CPQ: variants seen among roughly 807,000 people sequenced by gnomAD.
CPQ encodes carboxypeptidase Q.
CPQ carries 37 observed loss-of-function variants against 45.7 expected under a neutral mutation model. The observed-to-expected ratio is 0.81, with a 90% CI of 0.62 to 1.07. The LOEUF is 1.07. Among genes scored for constraint, CPQ ranks in the 50% least tolerant of loss-of-function variants. The pLI is 0.00. For missense variants in CPQ, 537 were observed against 572.9 expected (o/e 0.94, Z 0.64); for synonymous variants, 186 against 205.8 (o/e 0.90, Z 0.82).
intron 5 of CPQ, among the ~76,000 whole-genome samples, chr8:97,024,641 T>C (rs1352649529): frequency 1.3e-5 from 2 of 152,204 alleles, no homozygotes; most frequent in African/African-American, 2.4e-5. Flanking sequence ...CGACAGATTA[T>C]GTAATTTGCC....
At chr8:96,740,136 C>G (rs1385869681) in intron 1 of CPQ, among the ~76,000 whole-genome samples, 3 of 151,738 alleles carry the variant, frequency 2.0e-5, no homozygotes, top group African/African-American at 4.8e-5. Flanking sequence ...CTTTTATTTC[C>G]TTGAGCAGTG....
At chr8:96,768,891 AT>A (rs1448732595) in intron 1 of CPQ, among the ~76,000 whole-genome samples, 9 of 152,230 alleles carry the variant, frequency 5.9e-5, no homozygotes, top group Non-Finnish European at 7.3e-5. Context: ...CTACCAGAGT[AT>A]TCCTCAGAAC....
chr8:97,027,612 T>C (rs888445503), intron 5 of CPQ, among the ~76,000 whole-genome samples: 1 of 152,226 alleles, frequency 6.6e-6, no homozygotes. Flanking sequence ...CAGATCTGTC[T>C]GCCTTTTTCA....
chr8:96,866,876 A>C (rs1222974361), intron 3 of CPQ, among the ~76,000 whole-genome samples: 1 of 152,142 alleles, frequency 6.6e-6, no homozygotes, highest in Non-Finnish European at 1.5e-5. Flanking sequence ...GGCCTTAGGA[A>C]CACACTATCC....
intron 2 of CPQ, among the ~76,000 whole-genome samples, chr8:96,792,740 G>C (rs565737828): frequency 6.6e-6 from 1 of 152,038 alleles, no homozygotes; most frequent in African/African-American, 2.4e-5. Flanking sequence ...TCTTTCCTTG[G>C]GGTATTATTC....
At chr8:96,670,739 T>C (rs1808990825) in intron 1 of CPQ, among the ~76,000 whole-genome samples, 1 of 152,156 alleles carries the variant, frequency 6.6e-6, no homozygotes. Context: ...CCTGGAAGAA[T>C]CTTTAGGGAA....
chr8:96,927,731 C>T (rs1429655640), intron 4 of CPQ, among the ~76,000 whole-genome samples: 2 of 152,136 alleles, frequency 1.3e-5, no homozygotes, highest in Admixed American at 6.5e-5. Context: ...GAACATGGTT[C>T]CACTTACTCC....
chr8:97,108,714 C>T (rs1811450052), intron 7 of CPQ, among the ~76,000 whole-genome samples: 1 of 152,150 alleles, frequency 6.6e-6, no homozygotes, highest in Non-Finnish European at 1.5e-5. Flanking sequence ...TGAATAAAAA[C>T]CACTTTTGTG....
intron 4 of CPQ, among the ~76,000 whole-genome samples, 166 bp from the exon 5 acceptor site, chr8:96,965,769 C>T (rs1813546106): frequency 6.6e-6 from 1 of 152,086 alleles, no homozygotes; most frequent in African/African-American, 2.4e-5. Flanking sequence ...TATACAATTC[C>T]TCAATACCAA....
At chr8:96,770,929 A>G (rs1810534862) in intron 1 of CPQ, among the ~76,000 whole-genome samples, 1 of 148,908 alleles carries the variant, frequency 6.7e-6, no homozygotes, top group African/African-American at 2.4e-5. Context: ...TTCCCTCCTT[A>G]TAACCCAAAG....
At position 96,752,854 on chromosome 8, in the gene CPQ, C is replaced by T. The variant is rs146594512; in HGVS notation, c.-34-32010C>T. On this transcript the variant is annotated intron_variant, in intron 1 of 7. Coordinates refer to ENST00000220763, the MANE Select transcript of CPQ (RefSeq NM_016134.4). Reference sequence around the variant, plus strand: ...GCCCCTTCCTGTGTCTGAGTGTTGACGATATATTTCTGACTGGTCATTAGT... The same window carrying T: ...GCCCCTTCCTGTGTCTGAGTGTTGATGATATATTTCTGACTGGTCATTAGT... Among the ~76,000 whole-genome samples, 732 of 151,944 alleles carry T rather than the reference C, an allele frequency of 4.8e-3. 5 individuals are homozygous for T. Among genetic ancestry groups the T allele is most frequent in the Middle Eastern group, 0.01 (3 of 294 alleles).
intron 2 of CPQ, among the ~76,000 whole-genome samples, chr8:96,823,529 A>AT (rs1323138986): frequency 1.3e-5 from 2 of 151,706 alleles, no homozygotes; most frequent in Non-Finnish European, 1.5e-5. Flanking sequence ...TATGATGGAT[A>AT]TTTTTTCTGA....
At chr8:97,085,116 G>T (rs1811019178) in intron 7 of CPQ, among the ~76,000 whole-genome samples, 1 of 151,926 alleles carries the variant, frequency 6.6e-6, no homozygotes, top group Non-Finnish European at 1.5e-5. Flanking sequence ...ATGTGTGGTG[G>T]CCCACACCTG....
chr8:96,888,173 G>C (rs146754314), intron 4 of CPQ, among the ~76,000 whole-genome samples: 3 of 152,112 alleles, frequency 2.0e-5, no homozygotes, highest in Non-Finnish European at 2.9e-5. Flanking sequence ...CTGCAGTCTC[G>C]AGCATCAGAA....
intron 3 of CPQ, among the ~76,000 whole-genome samples, chr8:96,852,289 T>C (rs1471054676): frequency 6.6e-6 from 1 of 152,218 alleles, no homozygotes; most frequent in Non-Finnish European, 1.5e-5. Flanking sequence ...ATTTCCTTCC[T>C]TCTTAACTAA....
At chr8:96,789,873 C>A (rs1031990206) in intron 2 of CPQ, among the ~76,000 whole-genome samples, 1 of 152,102 alleles carries the variant, frequency 6.6e-6, no homozygotes, top group African/African-American at 2.4e-5. Flanking sequence ...GAAATGTTTT[C>A]AAGTCTGACC....
chr8:96,861,386 G>A (rs1190807891), intron 3 of CPQ, among the ~76,000 whole-genome samples: 1 of 152,086 alleles, frequency 6.6e-6, no homozygotes, highest in Non-Finnish European at 1.5e-5. Flanking sequence ...TCAGAGCTGA[G>A]AGGACAAAAT....
intron 5 of CPQ, among the ~76,000 whole-genome samples, chr8:97,026,748 A>G (rs1809806169): frequency 6.6e-6 from 1 of 152,190 alleles, no homozygotes; most frequent in Admixed American, 6.5e-5. Flanking sequence ...TGTTGTGTTG[A>G]GGCCTTAGCA....
chr8:97,138,446 A>G (rs1812100756), intron 7 of CPQ, among the ~76,000 whole-genome samples: 2 of 152,214 alleles, frequency 1.3e-5, no homozygotes, highest in African/African-American at 2.4e-5. Context: ...CTCAAGAACA[A>G]TGGCAATGTC....
Sources: gnomAD v4.1 joint callset for allele counts (sites outside exome capture counted in the v4.1 genomes callset) on GRCh38, gnomAD v4.1.1 for gene constraint, MANE v1.5 for transcripts, NCBI Gene and HGNC (gene_info 2026-07-23, HGNC 2026-07-21) for gene names.